Variants in CDH10 observed in about 807,000 individuals in gnomAD.
CDH10 encodes the protein cadherin-10.
Under a neutral mutation model 73.1 loss-of-function variants are expected in CDH10, and 30 were observed. The ratio of observed to expected loss-of-function variants is 0.41; its 90% CI spans 0.31 to 0.56. CDH10 has a LOEUF of 0.56. Ranked by LOEUF, CDH10 falls within the 20% of genes least tolerant of loss-of-function variation. The pLI, the probability that CDH10 is intolerant of heterozygous loss-of-function variation, is 0.27. For missense variants in CDH10, 815 were observed against 973.7 expected (o/e 0.84, Z 2.17); for synonymous variants, 345 against 348.2 (o/e 0.99, Z 0.10).
chr5:24,644,212 A>G (rs1748143996), intron 1 of CDH10, among the ~76,000 whole-genome samples: 1 of 152,180 alleles, frequency 6.6e-6, no homozygotes, highest in African/African-American at 2.4e-5. Context: ...TAGAGTTCAC[A>G]GTAACAATGT....
rs1171601918 is a variant in CDH10 at position 24,644,727 on chromosome 5, G to T, written c.-257C>A. The T allele has an allele frequency of 6.6e-6, 1 of 151,196 alleles. No individual in the cohort carries two copies. Among genetic ancestry groups the T allele is most frequent in the African/African-American group, 2.4e-5 (1 of 41,112 alleles). 9.4% of individuals were successfully genotyped at this position (151,196 alleles called of 1,614,324 possible). A position where few individuals can be genotyped will look rare whatever the true frequency, so the allele number is the denominator to read the frequency against. On this transcript the variant is annotated 5_prime_UTR_variant, in exon 1 of 12. Coordinates refer to ENST00000264463, the MANE Select transcript of CDH10 (RefSeq NM_006727.5). ...CTGATTCTACTTCAATCTAACTCAAGCTCTTTCTCAGCATCACTTTTAACT... is the reference window on the plus strand; with the variant it reads ...CTGATTCTACTTCAATCTAACTCAATCTCTTTCTCAGCATCACTTTTAACT...
chr5:24,627,264 T>A (rs1046664917), intron 1 of CDH10, among the ~76,000 whole-genome samples: 1 of 152,104 alleles, frequency 6.6e-6, no homozygotes, highest in Non-Finnish European at 1.5e-5. Flanking sequence ...TGTGAATACA[T>A]TTCGACAACT....
In CDH10 at chr5:24,488,151, TA is replaced by T; in HGVS notation, c.1878del (p.Ile627Ter). Reference sequence around the variant, plus strand: ...TTCAGAGCTGCAAACAGTACTACTATAACTTGAAAAAAGACAAGAAGATACA... The same window carrying T: ...TTCAGAGCTGCAAACAGTACTACTATACTTGAAAAAAGACAAGAAGATACA... ...AILLCIIILL[V>X]IVVLFAALKR... On this transcript the variant is annotated frameshift_variant and splice_region_variant, in exon 12 of 12. Transcript: ENST00000264463. LOFTEE classifies it high-confidence loss of function. 6.3e-7 allele frequency: 1 copy of T among 1,593,722 alleles called. No individual in the cohort carries two copies. The highest frequency in any genetic ancestry group is 8.5e-7 in the Non-Finnish European group (1 of 1,172,900).
intron 5 of CDH10, among the ~76,000 whole-genome samples, chr5:24,530,258 C>T (rs1743690557): frequency 6.6e-6 from 1 of 151,672 alleles, no homozygotes; most frequent in South Asian, 2.1e-4. Flanking sequence ...CCCTTAATCA[C>T]TAACTATGGG....
chr5:24,559,170 T>G (rs6892579), intron 2 of CDH10, among the ~76,000 whole-genome samples: 125,698 of 151,724 alleles, frequency 0.83, 52,108 homozygotes, highest in East Asian at 0.9. Context: ...GGAATTATTT[T>G]TGTTTGTTTA....
chr5:24,640,586 T>C (rs1748016433), intron 1 of CDH10, among the ~76,000 whole-genome samples: 1 of 151,606 alleles, frequency 6.6e-6, no homozygotes, highest in Admixed American at 6.6e-5. Context: ...CGTAAAGTGC[T>C]TATAATGTTT....
intron 1 of CDH10, among the ~76,000 whole-genome samples, chr5:24,608,841 C>T (rs904564284): frequency 3.3e-5 from 5 of 152,070 alleles, no homozygotes; most frequent in African/African-American, 1.2e-4. Context: ...GATATCTTAG[C>T]AATATAAAAT....
At chr5:24,541,200 C>T (rs187114820) in intron 2 of CDH10, among the ~76,000 whole-genome samples, 1 of 151,994 alleles carries the variant, frequency 6.6e-6, no homozygotes, top group Admixed American at 6.6e-5. Context: ...GATTTCCTAA[C>T]AGTTACAGAA....
intron 9 of CDH10, among the ~76,000 whole-genome samples, chr5:24,495,127 G>A (rs1477420237): frequency 1.3e-5 from 2 of 152,088 alleles, no homozygotes; most frequent in Non-Finnish European, 2.9e-5. Flanking sequence ...TTGGCAACAA[G>A]GAGGTAAAAT....
At chr5:24,497,406 T>G (rs944977184) in intron 9 of CDH10, among the ~76,000 whole-genome samples, 1 of 151,822 alleles carries the variant, frequency 6.6e-6, no homozygotes, top group African/African-American at 2.4e-5. Flanking sequence ...AAGTAGTAAG[T>G]GGGAAGCAAC....
At chr5:24,641,557 T>C (rs1748050082) in intron 1 of CDH10, among the ~76,000 whole-genome samples, 1 of 152,116 alleles carries the variant, frequency 6.6e-6, no homozygotes, top group East Asian at 1.9e-4. Context: ...TCTGTGTAAG[T>C]GTCAAGAAAA....
chr5:24,609,447 G>C (rs1409702629), intron 1 of CDH10, among the ~76,000 whole-genome samples: 2 of 152,148 alleles, frequency 1.3e-5, no homozygotes, highest in Non-Finnish European at 2.9e-5. Context: ...CTGAAGATGT[G>C]ACTCAGAGTA....
At chr5:24,524,875 A>C (rs1466726768) in intron 5 of CDH10, among the ~76,000 whole-genome samples, 1 of 152,132 alleles carries the variant, frequency 6.6e-6, no homozygotes, top group Admixed American at 6.6e-5. Flanking sequence ...CTGCACTGGC[A>C]GTTATTAATG....
chr5:24,626,084 A>G (rs1043766318), intron 1 of CDH10, among the ~76,000 whole-genome samples: 2 of 152,130 alleles, frequency 1.3e-5, no homozygotes, highest in East Asian at 1.9e-4. Context: ...TACAAAGTCA[A>G]CGCAAAAAAT....
intron 11 of CDH10, 27 bp from the exon 12 acceptor site, chr5:24,488,180 A>G: frequency 6.4e-7 from 1 of 1,568,978 alleles, no homozygotes; most frequent in Non-Finnish European, 8.6e-7. Context: ...AAGATACATT[A>G]GACGTCCGTT....
intron 2 of CDH10, among the ~76,000 whole-genome samples, chr5:24,590,281 C>G (rs1195928192): frequency 6.6e-6 from 1 of 151,288 alleles, no homozygotes; most frequent in Non-Finnish European, 1.5e-5. Context: ...CTCTCCTCCT[C>G]TTAATTTTTT....
chr5:24,621,545 TG>T (rs770094628), intron 1 of CDH10, among the ~76,000 whole-genome samples: 22 of 152,280 alleles, frequency 1.4e-4, no homozygotes, highest in Admixed American at 6.5e-4. Context: ...GTATATTGCA[TG>T]TAATAAATGT....
chr5:24,588,705 G>A (rs111575063), intron 2 of CDH10, among the ~76,000 whole-genome samples: 3 of 152,048 alleles, frequency 2.0e-5, no homozygotes, highest in African/African-American at 4.8e-5. Context: ...GCTATTTCTG[G>A]GCTTTATTGA....
At chr5:24,545,191 A>T (rs777084506) in intron 2 of CDH10, among the ~76,000 whole-genome samples, 2 of 152,164 alleles carry the variant, frequency 1.3e-5, no homozygotes, top group Non-Finnish European at 2.9e-5. Context: ...TGAATTATGA[A>T]AATTATCTCC....
Sources: allele counts gnomAD v4.1 joint callset (sites outside exome capture counted in the v4.1 genomes callset), GRCh38; gene constraint gnomAD v4.1.1; transcripts MANE v1.5; gene names NCBI Gene and HGNC (gene_info 2026-07-23, HGNC 2026-07-21).